The following SV2B variants were observed in gnomAD, a reference collection of about 807,000 sequenced individuals.
SV2B encodes solute carrier family 22 member B2.
SV2B carries 41 observed loss-of-function variants against 73.9 expected under a neutral mutation model. That is an observed-to-expected ratio of 0.56 (90% CI 0.43 to 0.72). The LOEUF (loss-of-function observed/expected upper bound fraction) is 0.72, where lower values mean the gene tolerates loss of function less well. SV2B is among the 30% of genes least tolerant of loss of function. The pLI is 0.00. For missense variants in SV2B, 764 were observed against 857.8 expected, an observed-to-expected ratio of 0.89 and a Z score of 1.37; for synonymous variants, 314 against 314.2, an observed-to-expected ratio of 1.00 and a Z score of 0.01.
At chr15:91,269,579 T>C (rs8025695) in intron 9 of SV2B, among the ~76,000 whole-genome samples, 3,429 of 152,314 alleles carry the variant, frequency 0.023, 118 homozygotes, top group African/African-American at 0.078. Flanking sequence ...CACATATGCG[T>C]CTGGTGTCTC....
At chr15:91,259,634 C>G (rs1179672762) in intron 5 of SV2B, among the ~76,000 whole-genome samples, 2 of 152,220 alleles carry the variant, frequency 1.3e-5, no homozygotes, top group African/African-American at 4.8e-5. Context: ...CATGCTCCCT[C>G]AGAAAACTGT....
intron 1 of SV2B, among the ~76,000 whole-genome samples, chr15:91,186,035 T>C (rs1596542665): frequency 6.6e-6 from 1 of 152,192 alleles, no homozygotes; most frequent in East Asian, 1.9e-4. Flanking sequence ...CATCACAACA[T>C]ACACGAGGAT....
At chr15:91,156,540 G>A (rs1197739995) in intron 1 of SV2B, among the ~76,000 whole-genome samples, 1 of 152,208 alleles carries the variant, frequency 6.6e-6, no homozygotes, top group Admixed American at 6.5e-5. Flanking sequence ...ATGGGAGAAA[G>A]TCCAGCAGCC....
rs557649201 is a variant in SV2B at position 91,143,601 on chromosome 15, C to T, written c.-392+43238C>T. ...ACAAAATATAGTAATTCTCGATCGCCGAAAGTGTCAAATCCCAGAAAACGC... is the reference window on the plus strand; with the variant it reads ...ACAAAATATAGTAATTCTCGATCGCTGAAAGTGTCAAATCCCAGAAAACGC... On this transcript the variant is annotated intron_variant, in intron 1 of 12. Transcript: ENST00000394232. Among the ~76,000 whole-genome samples the T allele has an allele frequency of 3.3e-5, 5 of 151,910 alleles. No homozygotes were observed. The South Asian group carries it at 1.0e-3, about 32-fold the overall frequency.
intron 1 of SV2B, among the ~76,000 whole-genome samples, chr15:91,193,900 C>A (rs530131308): frequency 2.0e-5 from 3 of 152,188 alleles, no homozygotes; most frequent in South Asian, 2.1e-4. Context: ...TAAGTTGTAA[C>A]CATAAAGGCT....
intron 1 of SV2B, among the ~76,000 whole-genome samples, chr15:91,179,338 G>A (rs1024988114): frequency 3.3e-5 from 5 of 152,164 alleles, no homozygotes; most frequent in Non-Finnish European, 5.9e-5. Context: ...TGGAATAGGT[G>A]TGGTGTGGTG....
intron 11 of SV2B, among the ~76,000 whole-genome samples, chr15:91,287,958 G>A (rs1383336597): frequency 6.6e-6 from 1 of 152,206 alleles, no homozygotes; most frequent in Non-Finnish European, 1.5e-5. Context: ...GGGTCTTGGA[G>A]GGATGCAGAC....
chr15:91,179,597 T>C (rs2044466996), intron 1 of SV2B, among the ~76,000 whole-genome samples: 1 of 152,188 alleles, frequency 6.6e-6, no homozygotes, highest in Non-Finnish European at 1.5e-5. Context: ...TGCATATATA[T>C]TTAGGATAGT....
intron 1 of SV2B, among the ~76,000 whole-genome samples, chr15:91,104,516 C>T (rs1331823924): frequency 6.6e-6 from 1 of 152,208 alleles, no homozygotes; most frequent in Non-Finnish European, 1.5e-5. Flanking sequence ...AAACAGACTC[C>T]ACTTCTTGAT....
At chr15:91,218,221 G>A (rs939891582) in intron 1 of SV2B, among the ~76,000 whole-genome samples, 1 of 152,148 alleles carries the variant, frequency 6.6e-6, no homozygotes, top group African/African-American at 2.4e-5. Context: ...AAAGGGCATG[G>A]TCTCATGAGA....
At chr15:91,101,743 C>T (rs1322098850) in intron 1 of SV2B, 1 of 152,146 alleles carries the variant, frequency 6.6e-6, no homozygotes, top group Non-Finnish European at 1.5e-5. Flanking sequence ...CCATTGCCAT[C>T]ACTGCCACTG....
Position 91,267,792 on chromosome 15 carries a change from T to C in SV2B, c.1208+149T>C. 3.1e-6 allele frequency: 2 copies of C among 636,802 alleles called. No individual in the cohort carries two copies. Among genetic ancestry groups the C allele is most frequent in the Non-Finnish European group, 5.5e-6 (2 of 361,226 alleles). 39.4% of individuals were successfully genotyped at this position (636,802 alleles called of 1,614,324 possible). A position where few individuals can be genotyped will look rare whatever the true frequency, so the allele number is the denominator to read the frequency against. Reference sequence around the variant, plus strand: ...GCAGAAAACCAACTCTAGTGGCTTCTACAAAGAAGAAACTTTTTTTTTTTT... The same window carrying C: ...GCAGAAAACCAACTCTAGTGGCTTCCACAAAGAAGAAACTTTTTTTTTTTT... On this transcript the variant is annotated intron_variant, in intron 8 of 12. Transcript: ENST00000394232. The surrounding 1 kb of genome is among the most constrained non-coding windows in gnomAD (Gnocchi z 4.3).
In SV2B at chr15:91,109,337, T is replaced by C. The variant is rs538740655; in HGVS notation, c.-392+8974T>C. ...CAGGTGTCTGGATTTGGAAGTTGAC[T>C]GTTCAAACTGGGAGCTTGGTGCTGT... On this transcript the variant is annotated intron_variant, in intron 1 of 12. Transcript: ENST00000394232. Among the ~76,000 whole-genome samples, 3 of 152,358 alleles carry C rather than the reference T, an allele frequency of 2.0e-5. No homozygotes were observed. The South Asian group carries it at 6.2e-4, about 32-fold the overall frequency.
rs2049264886 is a variant in SV2B, at chr15:91,296,908, GCGCA to G, written c.*4357_*4360del. On this transcript the variant is annotated 3_prime_UTR_variant, in exon 13 of 13. Transcript: ENST00000394232. The stretch of plus-strand genomic sequence containing the variant: ...CACGCTCCTTCTGCCCGATCGTTGG[GCGCA>G]TGCTCCTTCTGCCCGATCGTTGGGA... 6.7e-6 allele frequency: 1 copy of G among 148,588 alleles called. No individual in the cohort carries two copies. The highest frequency in any genetic ancestry group is 1.5e-5 in the Non-Finnish European group (1 of 67,908). The allele number at this position is 148,588 out of a possible 1,614,324, so 9.2% of individuals were successfully genotyped here. A position where few individuals can be genotyped will look rare whatever the true frequency, so the allele number is the denominator to read the frequency against.
rs869061452 is a variant in SV2B, at chr15:91,205,370, CT to C, written c.-391-20489del. On this transcript the variant is annotated intron_variant, in intron 1 of 12. Transcript: ENST00000394232. ...GGAGGTGCTGAATAGGATAACATTTCTTTTTTTTTTTTTTAAACACAGGGTC... is the reference window on the plus strand; with the variant it reads ...GGAGGTGCTGAATAGGATAACATTTCTTTTTTTTTTTTTAAACACAGGGTC... 7.8e-3 allele frequency among the ~76,000 whole-genome samples: 1,114 copies of C among 142,130 alleles called. 11 individuals carry two copies. Among genetic ancestry groups the C allele is most frequent in the African/African-American group, 0.012 (478 of 38,966 alleles). 93.2% of individuals were successfully genotyped at this position (142,130 alleles called of 152,430 possible).
rs1228017550 is a variant in SV2B, at chr15:91,280,061, A to G, written c.1374-1667A>G. On this transcript the variant is annotated intron_variant, in intron 9 of 12. Transcript: ENST00000394232. The surrounding 1 kb of genome is among the most constrained non-coding windows in gnomAD (Gnocchi z 5.8). ...TTGGTGATTCTGGTTCAAGAGGTGT[A>G]GGCTGGAATTTAGGAAATGACATCT... 1.3e-5 allele frequency among the ~76,000 whole-genome samples: 2 copies of G among 152,232 alleles called. No homozygotes were observed.
At chr15:91,292,242 T>G (rs1158107948) in intron 12 of SV2B, 127 bp from the exon 13 acceptor site, 1 of 830,634 alleles carries the variant, frequency 1.2e-6, no homozygotes, top group Non-Finnish European at 1.8e-6. Flanking sequence ...GAATGTGTTA[T>G]TTTTATATTT....
intron 1 of SV2B, among the ~76,000 whole-genome samples, chr15:91,104,987 C>T (rs907567375): frequency 1.3e-5 from 2 of 152,174 alleles, no homozygotes; most frequent in African/African-American, 2.4e-5. Context: ...CCGGACTCTG[C>T]TCGAATGGGC....
chr15:91,102,563 A>G (rs925042641), intron 1 of SV2B, among the ~76,000 whole-genome samples: 1 of 152,228 alleles, frequency 6.6e-6, no homozygotes, highest in African/African-American at 2.4e-5. Context: ...GAATACAGAC[A>G]AAAACAACCA....
Sources: gnomAD v4.1 joint callset for allele counts (sites outside exome capture counted in the v4.1 genomes callset) on GRCh38, gnomAD v4.1.1 for gene constraint, Gnocchi (gnomAD v3.1) non-coding constraint, MANE v1.5 for transcripts, NCBI Gene and HGNC (gene_info 2026-07-23, HGNC 2026-07-21) for gene names.